The following CLSTN2 variants were observed in gnomAD, a reference collection of about 807,000 sequenced individuals.
CLSTN2 encodes the protein calsyntenin 2.
CLSTN2 carries 48 observed loss-of-function variants against 101.2 expected under a neutral mutation model. The ratio of observed to expected loss-of-function variants is 0.47; its 90% CI spans 0.38 to 0.60. The LOEUF (loss-of-function observed/expected upper bound fraction) is 0.60, where lower values mean the gene tolerates loss of function less well. Among genes scored for constraint, CLSTN2 ranks in the 20% least tolerant of loss-of-function variants. The pLI, the probability that CLSTN2 is intolerant of heterozygous loss-of-function variation, is 0.00. For missense variants in CLSTN2, 1,160 were observed against 1,238.2 expected, an observed-to-expected ratio of 0.94 and a Z score of 0.95; for synonymous variants, 481 against 463.6, an observed-to-expected ratio of 1.04 and a Z score of -0.48.
intron 2 of CLSTN2, among the ~76,000 whole-genome samples, chr3:140,186,378 T>G (rs1207128391): frequency 6.6e-6 from 1 of 152,186 alleles, no homozygotes; most frequent in Non-Finnish European, 1.5e-5. Context: ...TTTTTAAGGT[T>G]AATGGTTTTA....
intron 2 of CLSTN2, among the ~76,000 whole-genome samples, chr3:140,203,017 G>T (rs544364680): frequency 6.6e-6 from 1 of 152,324 alleles, no homozygotes; most frequent in South Asian, 2.1e-4. Flanking sequence ...GTAGCCTTCA[G>T]TAATAGTGGA....
At chr3:140,305,140 A>G (rs1199115031) in intron 2 of CLSTN2, among the ~76,000 whole-genome samples, 1 of 151,298 alleles carries the variant, frequency 6.6e-6, no homozygotes, top group Non-Finnish European at 1.5e-5. Flanking sequence ...CTTTAGTACT[A>G]ATCACTGTGT....
At chr3:140,407,322 C>T (rs570537842) in intron 4 of CLSTN2, among the ~76,000 whole-genome samples, 1 of 152,190 alleles carries the variant, frequency 6.6e-6, no homozygotes, top group Non-Finnish European at 1.5e-5. Flanking sequence ...CTCCTGGCCC[C>T]TCCAACTTTC....
At chr3:140,137,954 C>T (rs2009640067) in intron 1 of CLSTN2, among the ~76,000 whole-genome samples, 2 of 152,180 alleles carry the variant, frequency 1.3e-5, no homozygotes, top group Non-Finnish European at 2.9e-5. Flanking sequence ...GGCTTGCTTG[C>T]TGTTTTAACA....
chr3:140,020,281 GAAGACCCTA>G (rs2007280883), intron 1 of CLSTN2, among the ~76,000 whole-genome samples: 4 of 152,184 alleles, frequency 2.6e-5, no homozygotes, highest in Non-Finnish European at 5.9e-5. Context: ...GACTCTGTGA[GAAGACCCTA>G]TGCTCAGGGG....
At chr3:140,472,124 C>T (rs1933864657) in intron 8 of CLSTN2, among the ~76,000 whole-genome samples, 1 of 152,108 alleles carries the variant, frequency 6.6e-6, no homozygotes, top group Non-Finnish European at 1.5e-5. Flanking sequence ...AGGTCCCCAG[C>T]AGCCCTTCAC....
chr3:139,945,088 A>G (rs1017994210), intron 1 of CLSTN2, among the ~76,000 whole-genome samples: 1 of 152,190 alleles, frequency 6.6e-6, no homozygotes, highest in African/African-American at 2.4e-5. Flanking sequence ...AAAAAAAGAC[A>G]TCATTTTTGT....
Position 140,404,740 on chromosome 3 carries a change from A to G in CLSTN2, c.611A>G (p.Asp204Gly). 2 of 1,614,162 alleles carry G rather than the reference A, an allele frequency of 1.2e-6. No individual in the cohort carries two copies. The highest frequency in any genetic ancestry group is 8.5e-7 in the Non-Finnish European group (1 of 1,180,006). The change falls in exon 4 of 17, where the codon GAT becomes GGT. Residue 204 changes from aspartate (D) to glycine (G), a missense_variant. Asp to Gly is a moderately conservative substitution (Grantham distance 94). Transcript: ENST00000458420. ...QICNYEIVTT[D>G]VPFAIDRNGN... ...TGCAACTATGAAATCGTCACCACAG[A>G]TGTGCCTTTTGCCATCGACAGAAAT... is the stretch of plus-strand genomic sequence containing the variant.
intron 4 of CLSTN2, among the ~76,000 whole-genome samples, chr3:140,411,712 A>G (rs1012555451): frequency 1.1e-4 from 17 of 152,228 alleles, no homozygotes; most frequent in African/African-American, 3.6e-4. Context: ...GCTGGTATCT[A>G]CTGTGCCCAG....
intron 1 of CLSTN2, among the ~76,000 whole-genome samples, chr3:140,119,838 G>A (rs1212054224): frequency 1.3e-5 from 2 of 152,138 alleles, no homozygotes; most frequent in African/African-American, 4.8e-5. Context: ...ACACTGATTT[G>A]GGAGTCTTTG....
At chr3:139,981,083 C>T (rs1935909331) in intron 1 of CLSTN2, among the ~76,000 whole-genome samples, 1 of 152,006 alleles carries the variant, frequency 6.6e-6, no homozygotes, top group Non-Finnish European at 1.5e-5. Flanking sequence ...GCTATCTTGC[C>T]TGTGGGTCAT....
intron 2 of CLSTN2, among the ~76,000 whole-genome samples, chr3:140,265,823 A>G (rs545620196): frequency 1.3e-5 from 2 of 152,294 alleles, no homozygotes; most frequent in African/African-American, 4.8e-5. Flanking sequence ...GGCGGCCTAG[A>G]AAAACTAGGC....
chr3:140,373,294 G>A (rs1258499872), intron 2 of CLSTN2, among the ~76,000 whole-genome samples: 1 of 152,168 alleles, frequency 6.6e-6, no homozygotes. Context: ...CCTGAGGACT[G>A]TTGTTCTTAT....
chr3:140,264,519 G>A (rs1444840940), intron 2 of CLSTN2, among the ~76,000 whole-genome samples: 6 of 150,382 alleles, frequency 4.0e-5, no homozygotes, highest in African/African-American at 9.8e-5. Context: ...TATCATAACC[G>A]GAGACATGAA....
intron 1 of CLSTN2, among the ~76,000 whole-genome samples, chr3:139,956,414 C>T (rs1935400891): frequency 6.6e-6 from 1 of 152,130 alleles, no homozygotes; most frequent in Non-Finnish European, 1.5e-5. Flanking sequence ...CTCTCAGTGG[C>T]CCAGCATGGT....
intron 1 of CLSTN2, among the ~76,000 whole-genome samples, chr3:140,068,467 T>C (rs995745876): frequency 2.6e-5 from 4 of 152,234 alleles, no homozygotes; most frequent in African/African-American, 7.2e-5. Context: ...CTTCTTTCCA[T>C]GCAAATGGAC....
At chr3:140,463,695 G>A (rs528910507) in intron 7 of CLSTN2, among the ~76,000 whole-genome samples, 2 of 152,012 alleles carry the variant, frequency 1.3e-5, no homozygotes, top group South Asian at 4.2e-4. Context: ...GAATGACGGG[G>A]CTGCCACAAT....
chr3:140,383,354 A>G (rs1289704655), intron 2 of CLSTN2, among the ~76,000 whole-genome samples: 1 of 152,176 alleles, frequency 6.6e-6, no homozygotes, highest in Non-Finnish European at 1.5e-5. Context: ...TATTTCTAAT[A>G]TTCTGTGCTT....
chr3:140,135,101 CACACACACACACACACATATATATATAT>C (rs1249697532), intron 1 of CLSTN2, among the ~76,000 whole-genome samples: 1 of 47,624 alleles, frequency 2.1e-5, no homozygotes, highest in African/African-American at 1.1e-4. Flanking sequence ...CACACACACA[CACACACACACACACACATATATATATAT>C]ATATATATAT....
Sources: gnomAD v4.1 joint callset for allele counts (sites outside exome capture counted in the v4.1 genomes callset) on GRCh38, gnomAD v4.1.1 for gene constraint, MANE v1.5 for transcripts, NCBI Gene and HGNC (gene_info 2026-07-23, HGNC 2026-07-21) for gene names.